The following CFAP95 variants were observed in gnomAD, a reference collection of about 807,000 sequenced individuals.
CFAP95 encodes cilia- and flagella-associated protein 95.
At chr9:69,902,347 T>A in the CFAP95 span, 24 of 454,536 alleles carry the variant, frequency 5.3e-5, no homozygotes, top group Non-Finnish European at 9.7e-5. Flanking sequence ...AACTCTATAA[T>A]CTCCCAGGTT....
chr9:69,842,223 CT>C, the CFAP95 span, among the ~76,000 whole-genome samples: 3 of 152,242 alleles, frequency 2.0e-5, no homozygotes, highest in African/African-American at 7.2e-5. Flanking sequence ...ACCAGTCTAC[CT>C]ATGAGTTTGT....
At chr9:69,890,248 C>T in the CFAP95 span, among the ~76,000 whole-genome samples, 1 of 152,036 alleles carries the variant, frequency 6.6e-6, no homozygotes, top group Non-Finnish European at 1.5e-5. Flanking sequence ...AAATCATTAA[C>T]CATTGCATTA....
At chr9:69,895,613 A>G in the CFAP95 span, among the ~76,000 whole-genome samples, 1 of 152,130 alleles carries the variant, frequency 6.6e-6, no homozygotes, top group Non-Finnish European at 1.5e-5. Flanking sequence ...ATTAAATGTT[A>G]ATTATACTTA....
chr9:69,884,523 A>T, the CFAP95 span: 7 of 152,076 alleles, frequency 4.6e-5, no homozygotes, highest in African/African-American at 1.7e-4. Context: ...CACCATACTG[A>T]TGTTGAACTT....
At chr9:69,880,166 T>C in the CFAP95 span, among the ~76,000 whole-genome samples, 1 of 152,212 alleles carries the variant, frequency 6.6e-6, no homozygotes, top group Non-Finnish European at 1.5e-5. Flanking sequence ...TTTTAGTTAT[T>C]TTAAAGTGTA....
At chr9:69,880,974 A>G in the CFAP95 span, among the ~76,000 whole-genome samples, 16 of 152,012 alleles carry the variant, frequency 1.1e-4, no homozygotes, top group African/African-American at 3.9e-4. Flanking sequence ...AGAAATGTCT[A>G]TTCAAATCTT....
the CFAP95 span, among the ~76,000 whole-genome samples, chr9:69,895,733 T>C: frequency 6.6e-6 from 1 of 152,188 alleles, no homozygotes; most frequent in African/African-American, 2.4e-5. Flanking sequence ...AGTTGTATTC[T>C]TTTAGTAGAG....
the CFAP95 span, among the ~76,000 whole-genome samples, chr9:69,881,694 C>T: frequency 6.6e-6 from 1 of 151,996 alleles, no homozygotes; most frequent in South Asian, 2.1e-4. Flanking sequence ...CTTCTATTTC[C>T]ATAAAAGATG....
chr9:69,856,669 G>A, the CFAP95 span: 2,184 of 1,600,348 alleles, frequency 1.4e-3, 24 homozygotes, highest in African/African-American at 0.022. Context: ...CGGGATTATC[G>A]AAAGGTATTC....
chr9:69,878,090 G>A, the CFAP95 span, among the ~76,000 whole-genome samples: 2 of 152,158 alleles, frequency 1.3e-5, no homozygotes, highest in African/African-American at 2.4e-5. Flanking sequence ...AGTGAAGTGA[G>A]GCTTATTTAA....
At chr9:69,839,550 C>T in the CFAP95 span, among the ~76,000 whole-genome samples, 5 of 151,936 alleles carry the variant, frequency 3.3e-5, no homozygotes, top group Non-Finnish European at 7.4e-5. Context: ...CCTCAGGCCT[C>T]TGAGTAGCTG....
At chr9:69,901,339 G>A in the CFAP95 span, among the ~76,000 whole-genome samples, 10 of 152,116 alleles carry the variant, frequency 6.6e-5, no homozygotes, top group South Asian at 2.1e-4. Flanking sequence ...GGGTTTCACC[G>A]TGTTAGCTAG....
chr9:69,842,965 G>A, the CFAP95 span, among the ~76,000 whole-genome samples: 20 of 152,206 alleles, frequency 1.3e-4, no homozygotes, highest in Non-Finnish European at 2.5e-4. Context: ...TGCAGGGGCT[G>A]AGCCCTAGTC....
the CFAP95 span, among the ~76,000 whole-genome samples, chr9:69,889,317 G>C: frequency 2.1e-4 from 32 of 152,274 alleles, no homozygotes; most frequent in Non-Finnish European, 4.0e-4. Context: ...TCTATACGTT[G>C]CTTACTGCTC....
chr9:69,898,433 G>A, the CFAP95 span, among the ~76,000 whole-genome samples: 1 of 152,162 alleles, frequency 6.6e-6, no homozygotes, highest in African/African-American at 2.4e-5. Context: ...ACATTGGGCA[G>A]GGGGTAATTT....
At chr9:69,858,102 G>A in the CFAP95 span, 105 of 761,278 alleles carry the variant, frequency 1.4e-4, no homozygotes, top group African/African-American at 1.5e-3. Flanking sequence ...TGACATCTTC[G>A]ACTTGCCTTT....
the CFAP95 span, among the ~76,000 whole-genome samples, chr9:69,900,051 A>G: frequency 1.3e-5 from 2 of 152,162 alleles, no homozygotes; most frequent in South Asian, 4.1e-4. Context: ...ATTTATTGGT[A>G]TTAAATGCAT....
the CFAP95 span, chr9:69,857,764 G>A: frequency 1.6e-6 from 1 of 617,864 alleles, no homozygotes; most frequent in Admixed American, 3.0e-5. Context: ...CTGAGCGCAG[G>A]CAATCCTCCC....
At chr9:69,855,302 T>C in the CFAP95 span, among the ~76,000 whole-genome samples, 1 of 152,238 alleles carries the variant, frequency 6.6e-6, no homozygotes, top group South Asian at 2.1e-4. Context: ...GCTGAAATGT[T>C]TTACTGTTAA....
Sources: allele counts gnomAD v4.1 joint callset (sites outside exome capture counted in the v4.1 genomes callset), GRCh38; gene constraint gnomAD v4.1.1; transcripts MANE v1.5; gene names NCBI Gene and HGNC (gene_info 2026-07-23, HGNC 2026-07-21).